LRIG1: variants seen among roughly 807,000 people sequenced by gnomAD.
LRIG1 encodes the protein leucine-rich repeats and immunoglobulin-like domains protein 1.
In LRIG1, 48 loss-of-function variants were observed where a neutral mutation model predicts 99.2. The observed-to-expected ratio is 0.48, with a 90% CI of 0.38 to 0.62. LRIG1 has a LOEUF of 0.62. Among genes scored for constraint, LRIG1 ranks in the 20% least tolerant of loss-of-function variants. LRIG1 has a pLI of 0.00. For missense variants in LRIG1, 1,646 were observed against 1,434.4 expected, an observed-to-expected ratio of 1.15 and a Z score of -2.38; for synonymous variants, 772 against 596.1, an observed-to-expected ratio of 1.29 and a Z score of -4.30.
At chr3:66,468,821 T>C (rs1195601145) in intron 1 of LRIG1, among the ~76,000 whole-genome samples, 1 of 152,214 alleles carries the variant, frequency 6.6e-6, no homozygotes, top group Non-Finnish European at 1.5e-5. Flanking sequence ...AGTTATTTAA[T>C]CCTTTAAGCT....
At chr3:66,401,794 C>A (rs1471608574) in intron 9 of LRIG1, 2 of 605,688 alleles carry the variant, frequency 3.3e-6, no homozygotes, top group African/African-American at 3.8e-5. Context: ...CAGCACCAAC[C>A]TGGAACAGAA....
intron 3 of LRIG1, among the ~76,000 whole-genome samples, chr3:66,420,659 C>T (rs541631196): frequency 6.6e-6 from 1 of 152,348 alleles, no homozygotes; most frequent in Non-Finnish European, 1.5e-5. Context: ...GCATTGCGGA[C>T]ATGATGCCAA....
chr3:66,492,483 C>T (rs571802521), intron 1 of LRIG1, among the ~76,000 whole-genome samples: 1 of 152,024 alleles, frequency 6.6e-6, no homozygotes, highest in African/African-American at 2.4e-5. Flanking sequence ...TTCTCAAAGT[C>T]CAGCTAATTC....
intron 3 of LRIG1, among the ~76,000 whole-genome samples, chr3:66,447,609 A>G (rs1275113300): frequency 6.6e-6 from 1 of 152,178 alleles, no homozygotes; most frequent in Non-Finnish European, 1.5e-5. Context: ...GTCTAGAACA[A>G]ACCAGCTGGA....
chr3:66,433,641 A>G (rs951103236), intron 3 of LRIG1, among the ~76,000 whole-genome samples: 3 of 152,230 alleles, frequency 2.0e-5, no homozygotes, highest in South Asian at 2.1e-4. Flanking sequence ...ACGATTTACA[A>G]TATCTCTTAC....
At position 66,476,283 on chromosome 3, in the gene LRIG1, T is replaced by C. The variant is rs1700721192; in HGVS notation, c.219-13774A>G. Reference sequence around the variant, plus strand: ...ACTGCAGGATTAATTCAGCAACCAATACCCAAAGGTATGTGAAGCTCAAAT... The same window carrying C: ...ACTGCAGGATTAATTCAGCAACCAACACCCAAAGGTATGTGAAGCTCAAAT... On this transcript the variant is annotated intron_variant, in intron 1 of 18. Transcript: ENST00000273261. Among the ~76,000 whole-genome samples, 3 of 152,240 alleles carry C rather than the reference T, an allele frequency of 2.0e-5. No individual in the cohort carries two copies. In the South Asian group the frequency reaches 6.2e-4, roughly 32 times the overall value.
chr3:66,425,522 C>T (rs569237790), intron 3 of LRIG1, among the ~76,000 whole-genome samples: 9 of 150,468 alleles, frequency 6.0e-5, no homozygotes, highest in African/African-American at 2.2e-4. Context: ...GAAGGAGTAT[C>T]TTTATTGTTA....
rs1701233497 is a variant in LRIG1 at position 66,496,608 on chromosome 3, G to A, written c.218+3582C>T. Among the ~76,000 whole-genome samples, 3 of 152,164 alleles carry A rather than the reference G, an allele frequency of 2.0e-5. No homozygotes were observed. In the South Asian group the frequency reaches 6.2e-4, roughly 32 times the overall value. On this transcript the variant is annotated intron_variant, in intron 1 of 18. Transcript: ENST00000273261. ...TTGGCAATTAACCTGTGTTTAAAAT[G>A]CTCCCTATTCCAAACAACCCAGGTT...
intron 4 of LRIG1, among the ~76,000 whole-genome samples, chr3:66,415,848 C>T (rs1702601427): frequency 6.6e-6 from 1 of 152,146 alleles, no homozygotes; most frequent in Non-Finnish European, 1.5e-5. Context: ...AAGTGGTTTC[C>T]AACACCTCTC....
chr3:66,454,321 G>A (rs1209445231), intron 2 of LRIG1, among the ~76,000 whole-genome samples: 2 of 152,196 alleles, frequency 1.3e-5, no homozygotes, highest in African/African-American at 2.4e-5. Context: ...GAGATGCAAA[G>A]AACTTCTTGC....
intron 9 of LRIG1, chr3:66,401,685 T>C: frequency 6.6e-7 from 1 of 1,526,700 alleles, no homozygotes; most frequent in Admixed American, 2.0e-5. Flanking sequence ...AAAAGGCTGC[T>C]GCCAGGAGAA....
intron 11 of LRIG1, among the ~76,000 whole-genome samples, chr3:66,395,083 A>G (rs1410441791): frequency 6.6e-6 from 1 of 152,188 alleles, no homozygotes; most frequent in Non-Finnish European, 1.5e-5. Context: ...AAGTCAACCA[A>G]GAGTCTAGCT....
At chr3:66,383,459 G>T in intron 14 of LRIG1, 58 bp from the exon 15 acceptor site, 1 of 1,436,290 alleles carries the variant, frequency 7.0e-7, no homozygotes, top group South Asian at 1.4e-5. Context: ...CTCTGGCTCT[G>T]CCCGGTCTTC....
intron 12 of LRIG1, 150 bp from the exon 13 acceptor site, chr3:66,386,451 C>T (rs537734322): frequency 4.0e-5 from 26 of 654,572 alleles, no homozygotes; most frequent in Admixed American, 2.7e-4. Flanking sequence ...AACCAGATGC[C>T]GTAAGAGTTG....
At chr3:66,492,327 A>G (rs1701119474) in intron 1 of LRIG1, among the ~76,000 whole-genome samples, 1 of 152,220 alleles carries the variant, frequency 6.6e-6, no homozygotes, top group African/African-American at 2.4e-5. Flanking sequence ...TTCAATGGCA[A>G]ATTATAAATT....
intron 1 of LRIG1, among the ~76,000 whole-genome samples, chr3:66,474,530 G>A (rs898149121): frequency 3.9e-5 from 6 of 152,078 alleles, no homozygotes; most frequent in Admixed American, 3.3e-4. Flanking sequence ...ATTTTTAGTA[G>A]AAACGGGGTT....
chr3:66,440,409 A>G (rs1295407772), intron 3 of LRIG1, among the ~76,000 whole-genome samples: 5 of 152,178 alleles, frequency 3.3e-5, no homozygotes, highest in Non-Finnish European at 7.3e-5. Flanking sequence ...ACAAGAGAGG[A>G]GAGAAAATAA....
intron 1 of LRIG1, among the ~76,000 whole-genome samples, chr3:66,488,478 A>AAC (rs1701025919): frequency 6.6e-6 from 1 of 151,554 alleles, no homozygotes; most frequent in East Asian, 1.9e-4. Context: ...AAAAAACAAA[A>AAC]AAAAAAAAAT....
rs1701053372 is a variant in LRIG1 at position 66,381,387 on chromosome 3, T to G, written c.2770+92A>C. On this transcript the variant is annotated intron_variant, in intron 17 of 18. Coordinates refer to ENST00000273261, the MANE Select transcript of LRIG1 (RefSeq NM_015541.3). ...ACCAAATTTGGAGACAGCTGTGGAC[T>G]AGGAATGTGTCTCCCCCTTTGATGT... The G allele has an allele frequency of 3.1e-6, 4 of 1,307,558 alleles. No individual in the cohort carries two copies. In the South Asian group the frequency reaches 5.4e-5, roughly 18 times the overall value. 81.0% of individuals were successfully genotyped at this position (1,307,558 alleles called of 1,614,324 possible).
Sources: gnomAD v4.1 joint callset for allele counts (sites outside exome capture counted in the v4.1 genomes callset) on GRCh38, gnomAD v4.1.1 for gene constraint, MANE v1.5 for transcripts, NCBI Gene and HGNC (gene_info 2026-07-23, HGNC 2026-07-21) for gene names.